The following HDAC8 variants were observed in gnomAD, a reference collection of about 807,000 sequenced individuals.
HDAC8 encodes the protein histone deacetylase-like 1.
Under a neutral mutation model 32.2 loss-of-function variants are expected in HDAC8, and 1 was observed. That is an observed-to-expected ratio of 0.03 (90% confidence interval 0.01 to 0.15). The LOEUF is 0.15. HDAC8 is among the 10% of genes least tolerant of loss of function. The probability of loss-of-function intolerance (pLI) is 1.00; values close to 1 mark genes in which losing one functional copy is unlikely to be tolerated. For missense variants in HDAC8, 117 were observed against 300.0 expected (o/e 0.39, Z 4.51); for synonymous variants, 108 against 113.9 (o/e 0.95, Z 0.33).
chrX:72,379,886 A>G (rs1247712505), intron 9 of HDAC8, among the ~76,000 whole-genome samples: 3 of 110,403 alleles, frequency 2.7e-5, no homozygotes, highest in Non-Finnish European at 5.7e-5. Context: ...TGGTTAGGTT[A>G]GTCGTCAGCT....
chrX:72,489,953 G>A (rs1467568443), intron 6 of HDAC8, among the ~76,000 whole-genome samples: 11 of 111,643 alleles, frequency 9.9e-5, no homozygotes, highest in African/African-American at 3.6e-4. Flanking sequence ...GACATGAACA[G>A]ACTCTTCTCA....
chrX:72,489,838 T>G (rs1198052778), intron 6 of HDAC8, among the ~76,000 whole-genome samples: 4 of 110,961 alleles, frequency 3.6e-5, no homozygotes, highest in Non-Finnish European at 7.6e-5. Context: ...GGAAAAAATT[T>G]TTGCAACCTA....
chrX:72,492,385 A>C (rs1556010398), intron 5 of HDAC8, among the ~76,000 whole-genome samples: 1 of 111,754 alleles, frequency 8.9e-6, no homozygotes, highest in African/African-American at 3.2e-5. Flanking sequence ...ACCACTAGGC[A>C]CAGTTATAAA....
intron 10 of HDAC8, among the ~76,000 whole-genome samples, chrX:72,331,442 TTG>T (rs1397375176): frequency 9.0e-6 from 1 of 111,547 alleles, no homozygotes; most frequent in Admixed American, 9.6e-5. Flanking sequence ...CACTGTAGTG[TTG>T]TCTTTTTGAG....
At chrX:72,513,222 TCTCCACTAGACTACATACTCTTGGAGAGC>T (rs1556022886) in intron 4 of HDAC8, among the ~76,000 whole-genome samples, 2 of 112,437 alleles carry the variant, frequency 1.8e-5, no homozygotes, top group Admixed American at 1.9e-4. Context: ...GTACTTGTCT[TCTCCACTAGACTACATACTCTTGGAGAGC>T]AAAGACTGTA....
chrX:72,527,080 T>C (rs2050175465), intron 4 of HDAC8, among the ~76,000 whole-genome samples: 1 of 111,888 alleles, frequency 8.9e-6, no homozygotes, highest in South Asian at 3.8e-4. Context: ...AACACTTTAG[T>C]ATGTTACACA....
chrX:72,458,602 A>G (rs1348477822), intron 9 of HDAC8, among the ~76,000 whole-genome samples: 1 of 111,804 alleles, frequency 8.9e-6, no homozygotes, highest in Non-Finnish European at 1.9e-5. Flanking sequence ...GTTTCCCAAT[A>G]TGAATATTGA....
intron 4 of HDAC8, among the ~76,000 whole-genome samples, chrX:72,497,414 T>TA (rs558323726): frequency 9.0e-6 from 1 of 111,624 alleles, no homozygotes; most frequent in Non-Finnish European, 1.9e-5. Context: ...TTCAATATGC[T>TA]AAAAAAAGTA....
At chrX:72,403,019 T>A (rs782406486) in intron 9 of HDAC8, among the ~76,000 whole-genome samples, 1 of 112,098 alleles carries the variant, frequency 8.9e-6, no homozygotes, top group East Asian at 2.8e-4. Flanking sequence ...CTTTTACTTT[T>A]AACCTATTTG....
intron 4 of HDAC8, among the ~76,000 whole-genome samples, chrX:72,554,499 A>AGCGGGGAGG (rs1163611143): frequency 1.3e-4 from 2 of 14,920 alleles, no homozygotes; most frequent in East Asian, 0.013. Context: ...GGGCGGGGGG[A>AGCGGGGAGG]GCGGGGAGGG....
chrX:72,404,372 A>T (rs2045983105), intron 9 of HDAC8, among the ~76,000 whole-genome samples: 1 of 111,582 alleles, frequency 9.0e-6, no homozygotes, highest in Non-Finnish European at 1.9e-5. Context: ...GGGGACCTTT[A>T]GAATACTGTG....
intron 9 of HDAC8, among the ~76,000 whole-genome samples, chrX:72,407,172 C>T (rs1264573630): frequency 8.9e-6 from 1 of 112,544 alleles, no homozygotes; most frequent in Admixed American, 9.4e-5. Context: ...GGGTAGGTTA[C>T]CCTGGATTAC....
chrX:72,358,578 C>T (rs1490646267), intron 9 of HDAC8, among the ~76,000 whole-genome samples: 4 of 111,538 alleles, frequency 3.6e-5, no homozygotes, highest in Non-Finnish European at 5.6e-5. Context: ...TCATGCTATT[C>T]GGAACAGTAT....
At chrX:72,438,024 C>T (rs2047004058) in intron 9 of HDAC8, among the ~76,000 whole-genome samples, 1 of 112,369 alleles carries the variant, frequency 8.9e-6, no homozygotes, top group East Asian at 2.8e-4. Context: ...AAGTGGGTCC[C>T]TGACCCCTGT....
Position 72,502,280 on chromosome X carries a change from A to G in HDAC8, c.438-7012T>C, listed in dbSNP as rs139705297. Among the ~76,000 whole-genome samples the G allele has an allele frequency of 3.0e-3, 331 of 111,969 alleles. 2 individuals are homozygous for G. Among genetic ancestry groups the G allele is most frequent in the African/African-American group, 0.01 (316 of 30,831 alleles). ...GCAATCCCACTACTGTGTATATACCAAGAGGAATATAAATCATTCTACTAT... is the reference window on the plus strand; with the variant it reads ...GCAATCCCACTACTGTGTATATACCGAGAGGAATATAAATCATTCTACTAT... On this transcript the variant is annotated intron_variant, in intron 4 of 10. Coordinates refer to ENST00000373573, the MANE Select transcript of HDAC8 (RefSeq NM_018486.3).
intron 4 of HDAC8, among the ~76,000 whole-genome samples, chrX:72,565,033 A>T (rs1356149970): frequency 8.9e-6 from 1 of 111,810 alleles, no homozygotes; most frequent in Non-Finnish European, 1.9e-5. Context: ...TAACACTTCC[A>T]AGGTTTTCAA....
chrX:72,449,936 A>G (rs2148010998), intron 9 of HDAC8, among the ~76,000 whole-genome samples: 1 of 112,209 alleles, frequency 8.9e-6, no homozygotes, highest in South Asian at 3.7e-4. Context: ...TTGTTCCCAG[A>G]GATATGAAAA....
At chrX:72,353,981 A>C (rs1273225568) in intron 9 of HDAC8, among the ~76,000 whole-genome samples, 1 of 111,866 alleles carries the variant, frequency 8.9e-6, no homozygotes, top group Non-Finnish European at 1.9e-5. Flanking sequence ...GTCCTCACTT[A>C]TGTGTGCCTA....
At chrX:72,488,249 G>A (rs1266301329) in intron 7 of HDAC8, among the ~76,000 whole-genome samples, 1 of 111,309 alleles carries the variant, frequency 9.0e-6, no homozygotes, top group Non-Finnish European at 1.9e-5. Flanking sequence ...CTTACCTTCA[G>A]TAATGTTGAC....
Sources: allele counts gnomAD v4.1 joint callset (sites outside exome capture counted in the v4.1 genomes callset), GRCh38; gene constraint gnomAD v4.1.1; transcripts MANE v1.5; gene names NCBI Gene and HGNC (gene_info 2026-07-23, HGNC 2026-07-21).